The following CYP3A5 variants were observed in gnomAD, a reference collection of about 807,000 sequenced individuals.
The protein encoded by CYP3A5 is cytochrome P450 3A5.
Under a neutral mutation model 55.9 loss-of-function variants are expected in CYP3A5, and 51 were observed. The observed-to-expected ratio is 0.91, with a 90% CI of 0.73 to 1.15. The LOEUF (loss-of-function observed/expected upper bound fraction) is 1.15. Among genes scored for constraint, CYP3A5 ranks in the 50% most tolerant of loss-of-function variants. CYP3A5 has a pLI of 0.00. For missense variants in CYP3A5, 533 were observed against 596.6 expected, an observed-to-expected ratio of 0.89 and a Z score of 1.11; for synonymous variants, 196 against 213.9, an observed-to-expected ratio of 0.92 and a Z score of 0.73.
At chr7:99,663,593 G>T in intron 8 of CYP3A5, 1 of 996,728 alleles carries the variant, frequency 1.0e-6, no homozygotes, top group Non-Finnish European at 1.2e-6. Flanking sequence ...TAAGAGTCTT[G>T]GACTTAAAAT....
chr7:99,676,415 G>A, intron 1 of CYP3A5: 1 of 1,487,092 alleles, frequency 6.7e-7, no homozygotes, highest in Non-Finnish European at 9.0e-7. Flanking sequence ...TCAATGATTA[G>A]CTGAAAGCAG....
intron 4 of CYP3A5, among the ~76,000 whole-genome samples, chr7:99,669,806 G>A (rs1811405076): frequency 6.6e-6 from 1 of 152,262 alleles, no homozygotes; most frequent in African/African-American, 2.4e-5. Flanking sequence ...ATATGTTAAA[G>A]CAATTTTCTT....
chr7:99,678,284 G>C (rs909032545), intron 1 of CYP3A5, among the ~76,000 whole-genome samples: 21 of 152,200 alleles, frequency 1.4e-4, no homozygotes, highest in African/African-American at 3.9e-4. Context: ...GACCTCCACG[G>C]TGGGGCCAGG....
At position 99,652,714 on chromosome 7, in the gene CYP3A5, G is replaced by C; in HGVS notation, c.1092C>G (p.Leu364=). The change falls in exon 11 of 13, where the codon CTC becomes CTG. Residue 364 remains leucine, a synonymous_variant. Coordinates refer to ENST00000222982, the MANE Select transcript of CYP3A5 (RefSeq NM_000777.5). The stretch of plus-strand genomic sequence containing the variant: ...GTCTAATAGCAACTGGGAATAATCT[G>C]AGTGTTTCATTCACCACCATGTCAA... The part of the protein sequence containing the change: ...EYLDMVVNET[L]RLFPVAIRLE... 2 of 1,614,112 alleles carry C rather than the reference G, an allele frequency of 1.2e-6. No homozygotes were observed. The highest frequency in any genetic ancestry group is 1.7e-6 in the Non-Finnish European group (2 of 1,180,008).
intron 4 of CYP3A5, among the ~76,000 whole-genome samples, 185 bp from the exon 5 acceptor site, chr7:99,667,250 G>C (rs1457596775): frequency 6.6e-6 from 1 of 151,986 alleles, no homozygotes; most frequent in African/African-American, 2.4e-5. Context: ...GTGTATGTGG[G>C]GCGGGGGTGG....
chr7:99,665,481 T>C (rs41303319), intron 6 of CYP3A5, among the ~76,000 whole-genome samples, 167 bp from the exon 7 acceptor site: 157 of 152,366 alleles, frequency 1.0e-3, no homozygotes, highest in Admixed American at 1.6e-3. Flanking sequence ...GGTGGTTATC[T>C]GGTGCCAGTG....
At chr7:99,667,093 C>T in intron 4 of CYP3A5, 28 bp from the exon 5 acceptor site, 6 of 1,592,664 alleles carry the variant, frequency 3.8e-6, no homozygotes, top group African/African-American at 1.3e-5. Flanking sequence ...CATTTTTTCT[C>T]ACATTAGTTG....
intron 4 of CYP3A5, among the ~76,000 whole-genome samples, chr7:99,669,337 G>GA (rs1811353342): frequency 1.3e-5 from 2 of 152,004 alleles, no homozygotes; most frequent in Admixed American, 1.3e-4. Flanking sequence ...TAGCAGAACT[G>GA]AAAAAAAGTC....
At chr7:99,663,008 A>C in intron 8 of CYP3A5, 126 bp from the exon 9 acceptor site, 1 of 1,465,512 alleles carries the variant, frequency 6.8e-7, no homozygotes, top group Non-Finnish European at 9.0e-7. Context: ...CTTCTTGAAG[A>C]CGTGTTACCT....
chr7:99,666,533 C>G, intron 6 of CYP3A5, 68 bp downstream of exon 6: 1 of 1,513,032 alleles, frequency 6.6e-7, no homozygotes, highest in Non-Finnish European at 9.2e-7. Context: ...GTGCGACTGT[C>G]GACTCCATGG....
intron 1 of CYP3A5, among the ~76,000 whole-genome samples, chr7:99,677,900 A>G (rs1425388014): frequency 6.7e-6 from 1 of 148,900 alleles, no homozygotes; most frequent in Non-Finnish European, 1.5e-5. Flanking sequence ...GCCCCCAAGG[A>G]AAGATCTTGG....
At position 99,653,557 on chromosome 7, in the gene CYP3A5, A is replaced by G. The variant is rs1195169810; in HGVS notation, c.1027-778T>C. The stretch of plus-strand genomic sequence containing the variant: ...ATTTATGATTGGATGCTACCAAGGT[A>G]CACAATTTGAGTTCTAGTTAAAGTT... On this transcript the variant is annotated intron_variant, in intron 10 of 12. Transcript: ENST00000222982. This position sits in a 1 kb window ranked among gnomAD's most constrained non-coding sequence, Gnocchi z 4.2. Among the ~76,000 whole-genome samples the G allele has an allele frequency of 6.6e-6, 1 of 152,248 alleles. No individual in the cohort carries two copies.
At chr7:99,651,282 A>G (rs1050095496) in intron 11 of CYP3A5, among the ~76,000 whole-genome samples, 2 of 152,210 alleles carry the variant, frequency 1.3e-5, no homozygotes, top group African/African-American at 4.8e-5. Context: ...ATATACGTAT[A>G]TATCACATGA....
In CYP3A5 at chr7:99,672,671, T is replaced by C; in HGVS notation, c.227A>G (p.Glu76Gly). ...KKYGKMWGTY[E>G]GQLPVLAITD... The stretch of plus-strand genomic sequence containing the variant: ...GATGGCCAGCACAGGGAGTTGACCT[T>C]CATACGTTCTGTGTGGGGACAACGG... Residue 76 changes from glutamate (E) to glycine (G), a missense_variant, in exon 4 of 13, where the codon GAA becomes GGA. Physicochemically the swap from Glu to Gly is moderately conservative, Grantham distance 98. Transcript: ENST00000222982. 1 of 1,614,122 alleles carries C rather than the reference T, an allele frequency of 6.2e-7. No individual in the cohort carries two copies. The highest frequency in any genetic ancestry group is 2.2e-5 in the East Asian group (1 of 44,884).
chr7:99,662,082 CAGAT>C lies in CYP3A5; in HGVS notation c.865+730_865+733del, dbSNP rs1359933237. On this transcript the variant is annotated intron_variant, in intron 9 of 12. Transcript: ENST00000222982. The surrounding 1 kb of genome is among the most constrained non-coding windows in gnomAD (Gnocchi z 4.3). ...AAATTATAGGCAGATAGATGATTGA[CAGAT>C]AGATAGACAGACAGAAGTAGATGTA... Among the ~76,000 whole-genome samples the C allele has an allele frequency of 4.6e-5, 7 of 152,136 alleles. No homozygotes were observed. Among genetic ancestry groups the C allele is most frequent in the Non-Finnish European group, 7.3e-5 (5 of 68,034 alleles).
At chr7:99,648,587 C>A (rs1808848964) in intron 12 of CYP3A5, among the ~76,000 whole-genome samples, 187 bp from the exon 13 acceptor site, 1 of 152,034 alleles carries the variant, frequency 6.6e-6, no homozygotes, top group Non-Finnish European at 1.5e-5. Flanking sequence ...TAAAAGCACT[C>A]ACCATCCATC....
intron 10 of CYP3A5, among the ~76,000 whole-genome samples, chr7:99,654,757 T>G (rs1295038512): frequency 6.6e-6 from 1 of 152,240 alleles, no homozygotes; most frequent in African/African-American, 2.4e-5. Context: ...GTTTCCTGAC[T>G]TTTTAATGAT....
At chr7:99,663,656 T>C in intron 8 of CYP3A5, 1 of 1,019,582 alleles carries the variant, frequency 9.8e-7, no homozygotes, top group Non-Finnish European at 1.2e-6. Flanking sequence ...TAAAATATAT[T>C]TTCAAACAGG....
chr7:99,672,860 A>C (rs1811808982), intron 3 of CYP3A5, 181 bp from the exon 4 acceptor site: 3 of 1,411,416 alleles, frequency 2.1e-6, no homozygotes, highest in Non-Finnish European at 2.8e-6. Context: ...CTCACACAGG[A>C]GCCACCCAAG....
Sources: allele counts gnomAD v4.1 joint callset (sites outside exome capture counted in the v4.1 genomes callset), GRCh38; gene constraint gnomAD v4.1.1; non-coding constraint Gnocchi (gnomAD v3.1); transcripts MANE v1.5; gene names NCBI Gene and HGNC (gene_info 2026-07-23, HGNC 2026-07-21).